Variants in GALNT17 observed in about 807,000 individuals in gnomAD.
GALNT17 encodes the protein polypeptide N-acetylgalactosaminyltransferase 17.
In GALNT17, 29 loss-of-function variants were observed where a neutral mutation model predicts 63.7. That is an observed-to-expected ratio of 0.46 (90% CI 0.34 to 0.62). The LOEUF (loss-of-function observed/expected upper bound fraction) is 0.62. Ranked by LOEUF, GALNT17 falls within the 20% of genes least tolerant of loss-of-function variation. The pLI, the probability that GALNT17 is intolerant of heterozygous loss-of-function variation, is 0.01. For synonymous variants in GALNT17, 305 were observed against 318.3 expected (o/e 0.96, Z 0.45); for missense variants, 603 against 799.6 (o/e 0.75, Z 2.97).
intron 6 of GALNT17, among the ~76,000 whole-genome samples, chr7:71,575,845 C>G (rs1020706324): frequency 6.6e-6 from 1 of 152,164 alleles, no homozygotes; most frequent in Non-Finnish European, 1.5e-5. Flanking sequence ...GCAGTTGACT[C>G]TAGGGCTCTT....
intron 1 of GALNT17, among the ~76,000 whole-genome samples, chr7:71,257,038 C>T (rs375492597): frequency 8.5e-5 from 13 of 152,262 alleles, no homozygotes; most frequent in African/African-American, 1.7e-4. Flanking sequence ...GGTGGCTGAG[C>T]GGCCTCTGTG....
intron 5 of GALNT17, among the ~76,000 whole-genome samples, chr7:71,438,880 A>G (rs890315543): frequency 2.7e-5 from 4 of 150,776 alleles, no homozygotes; most frequent in African/African-American, 9.9e-5. Flanking sequence ...CTAATAAAAG[A>G]TAGACTTTTT....
rs536872023 is a variant in GALNT17 at position 71,212,797 on chromosome 7, C to G, written c.238+79757C>G. 3.3e-5 allele frequency among the ~76,000 whole-genome samples: 5 copies of G among 152,222 alleles called. No homozygotes were observed. In the East Asian group the frequency reaches 7.7e-4, roughly 24 times the overall value. ...CAGACTTGCATGGGCCCTGTGACCC[C>G]TTTGTTTTGGCCAATTTCTCCCATT... On this transcript the variant is annotated intron_variant, in intron 1 of 10. Coordinates refer to ENST00000333538, the MANE Select transcript of GALNT17 (RefSeq NM_022479.3).
At chr7:71,659,713 G>A (rs1329510820) in intron 6 of GALNT17, among the ~76,000 whole-genome samples, 1 of 152,224 alleles carries the variant, frequency 6.6e-6, no homozygotes, top group East Asian at 1.9e-4. Context: ...TATAGGAAGA[G>A]CAAATAAGTC....
At chr7:71,145,357 A>G (rs984103584) in intron 1 of GALNT17, among the ~76,000 whole-genome samples, 34 of 152,098 alleles carry the variant, frequency 2.2e-4, no homozygotes, top group African/African-American at 5.8e-4. Context: ...CTAGCTGGGC[A>G]TGGTGGTGCA....
Position 71,132,878 on chromosome 7 carries a change from G to A in GALNT17, c.76G>A (p.Ala26Thr), listed in dbSNP as rs1188874495. 6.2e-7 allele frequency: 1 copy of A among 1,612,956 alleles called. No individual in the cohort carries two copies. Among genetic ancestry groups the A allele is most frequent in the East Asian group, 2.2e-5 (1 of 44,790 alleles). Residue 26 changes from alanine (A) to threonine (T), a missense_variant, in exon 1 of 11, where the codon GCC (alanine) becomes ACC (threonine). Physicochemically the swap from Ala to Thr is moderately conservative, Grantham distance 58. Transcript: ENST00000333538. ...IAVAGFVLFL[A>T]KCRPIAVRSG... ...GGTAGCCGGCTTCGTGCTCTTCCTG[G>A]CCAAGTGCCGGCCCATCGCGGTGCG...
At chr7:71,201,708 T>G (rs906220692) in intron 1 of GALNT17, among the ~76,000 whole-genome samples, 81 of 151,920 alleles carry the variant, frequency 5.3e-4, no homozygotes, top group African/African-American at 1.8e-3. Flanking sequence ...TTCGGCTCAC[T>G]GCAACCTCCG....
At chr7:71,312,669 C>T (rs1791431522) in intron 1 of GALNT17, among the ~76,000 whole-genome samples, 1 of 152,118 alleles carries the variant, frequency 6.6e-6, no homozygotes, top group African/African-American at 2.4e-5. Flanking sequence ...TGCATATCTC[C>T]CTGGTGTCTC....
chr7:71,193,284 G>C (rs964383612), intron 1 of GALNT17, among the ~76,000 whole-genome samples: 1 of 151,502 alleles, frequency 6.6e-6, no homozygotes, highest in Admixed American at 6.6e-5. Flanking sequence ...TTGTTTTGTA[G>C]AGGTGGGGTC....
chr7:71,303,893 C>T (rs763966006), intron 1 of GALNT17, among the ~76,000 whole-genome samples: 36 of 152,108 alleles, frequency 2.4e-4, no homozygotes, highest in Admixed American at 1.4e-3. Context: ...TAAACGCCTC[C>T]GGGGCAGCTG....
At chr7:71,241,193 T>TC (rs1445655662) in intron 1 of GALNT17, among the ~76,000 whole-genome samples, 6 of 152,234 alleles carry the variant, frequency 3.9e-5, no homozygotes, top group Non-Finnish European at 8.8e-5. Flanking sequence ...GCCCTTGGAT[T>TC]ACTTGATACC....
chr7:71,548,133 T>C (rs1016814974), intron 5 of GALNT17, among the ~76,000 whole-genome samples: 2 of 151,906 alleles, frequency 1.3e-5, no homozygotes, highest in Non-Finnish European at 2.9e-5. Flanking sequence ...TCCCAGCTAC[T>C]TGGGAGGCTG....
intron 5 of GALNT17, among the ~76,000 whole-genome samples, chr7:71,508,230 C>T (rs911474402): frequency 3.3e-5 from 5 of 152,132 alleles, no homozygotes; most frequent in African/African-American, 4.8e-5. Context: ...AAGAAATAAA[C>T]GCAACCTCCA....
intron 1 of GALNT17, among the ~76,000 whole-genome samples, chr7:71,232,819 C>A (rs1789817471): frequency 6.6e-6 from 1 of 152,040 alleles, no homozygotes; most frequent in Admixed American, 6.6e-5. Flanking sequence ...TGGGTGTGGC[C>A]ATGGCAGTGG....
chr7:71,256,626 G>C lies in GALNT17; in HGVS notation c.239-78924G>C, dbSNP rs952333332. Among the ~76,000 whole-genome samples the C allele has an allele frequency of 3.3e-5, 5 of 152,194 alleles. 1 individual carries two copies. Among genetic ancestry groups the C allele is most frequent in the Non-Finnish European group, 5.9e-5 (4 of 68,030 alleles). On this transcript the variant is annotated intron_variant, in intron 1 of 10. Coordinates refer to ENST00000333538, the MANE Select transcript of GALNT17 (RefSeq NM_022479.3). ...AAAAAACAAAACTGAGTTCTGGACT[G>C]ACCACCTTGCGCACGTGTTCTCAGG...
chr7:71,320,199 C>T (rs751435988), intron 1 of GALNT17, among the ~76,000 whole-genome samples: 2 of 152,184 alleles, frequency 1.3e-5, no homozygotes, highest in South Asian at 2.1e-4. Flanking sequence ...AGAGGGCAGT[C>T]TGCATTTGCT....
At chr7:71,408,521 C>G (rs149765079) in intron 3 of GALNT17, among the ~76,000 whole-genome samples, 17 of 152,268 alleles carry the variant, frequency 1.1e-4, no homozygotes, top group Non-Finnish European at 1.9e-4. Context: ...TGTCCAGGGA[C>G]TGACCTAATT....
chr7:71,389,735 T>TA, intron 3 of GALNT17, among the ~76,000 whole-genome samples: 1 of 151,988 alleles, frequency 6.6e-6, no homozygotes, highest in Non-Finnish European at 1.5e-5. Flanking sequence ...AAAAGCGAAA[T>TA]AAAAAATTCC....
intron 1 of GALNT17, among the ~76,000 whole-genome samples, chr7:71,196,006 C>A (rs1024878383): frequency 1.3e-5 from 2 of 152,170 alleles, no homozygotes; most frequent in African/African-American, 4.8e-5. Context: ...GAACTCCTTA[C>A]TGGAGGGATT....
Sources: allele counts gnomAD v4.1 joint callset (sites outside exome capture counted in the v4.1 genomes callset), GRCh38; gene constraint gnomAD v4.1.1; transcripts MANE v1.5; gene names NCBI Gene and HGNC (gene_info 2026-07-23, HGNC 2026-07-21).